Variants in NOTCH2 observed in about 807,000 individuals in gnomAD.
The protein encoded by NOTCH2 is notch receptor 2, also known as neurogenic locus notch homolog protein 2.
In NOTCH2, 29 loss-of-function variants were observed where a neutral mutation model predicts 235.8. That is an observed-to-expected ratio of 0.12 (90% confidence interval 0.09 to 0.17). The LOEUF is 0.17. Among genes scored for constraint, NOTCH2 ranks in the 10% least tolerant of loss-of-function variants. The pLI is 1.00. For missense variants in NOTCH2, 2,285 were observed against 3,150.2 expected (o/e 0.73, Z 6.57); for synonymous variants, 1,086 against 1,141.5 (o/e 0.95, Z 0.98).
chr1:120,037,465 G>C (rs1479580743), intron 1 of NOTCH2, among the ~76,000 whole-genome samples: 1 of 151,838 alleles, frequency 6.6e-6, no homozygotes, highest in Non-Finnish European at 1.5e-5. Context: ...GGAGACATCA[G>C]GGATTTGCAA....
rs797044475 is a variant in NOTCH2, at chr1:119,929,168, G to A, written c.3700C>T (p.His1234Tyr). 1.9e-6 allele frequency: 3 copies of A among 1,614,092 alleles called. No homozygotes were observed. The highest frequency in any genetic ancestry group is 3.3e-5 in the Admixed American group (2 of 60,008). Residue 1234 changes from histidine to tyrosine, a missense_variant, in exon 23 of 34, where the codon CAT (histidine) becomes TAT (tyrosine). Physicochemically the swap from His to Tyr is moderately conservative, Grantham distance 83 (BLOSUM62 2). This residue lies in a region of NOTCH2 where 1,173 missense variants were observed against 1,515.3 expected (regional missense o/e 0.77). Coordinates refer to ENST00000256646, the MANE Select transcript of NOTCH2 (RefSeq NM_024408.4). ...ATGCACTGACCACCATTAAGGCAATGGGGACCCCGGGCACAGTCATCAATG... is the reference window on the plus strand; with the variant it reads ...ATGCACTGACCACCATTAAGGCAATAGGGACCCCGGGCACAGTCATCAATG... Reference protein sequence around the residue: ...ENIDDCARGPHCLNGGQCMDR... With the variant: ...ENIDDCARGPYCLNGGQCMDR...
At chr1:119,970,732 T>C (rs1439617408) in intron 5 of NOTCH2, among the ~76,000 whole-genome samples, 3 of 152,234 alleles carry the variant, frequency 2.0e-5, no homozygotes, top group Non-Finnish European at 4.4e-5. Context: ...CCAGATCATA[T>C]GAGCTATAAA....
At chr1:120,014,294 G>A (rs1653332933) in intron 2 of NOTCH2, among the ~76,000 whole-genome samples, 1 of 152,162 alleles carries the variant, frequency 6.6e-6, no homozygotes, top group East Asian at 1.9e-4. Context: ...GCTGGGCACA[G>A]TGGCTCACAC....
intron 22 of NOTCH2, 53 bp from the exon 23 acceptor site, chr1:119,929,265 C>T: frequency 1.4e-6 from 2 of 1,466,270 alleles, no homozygotes; most frequent in Non-Finnish European, 1.9e-6. Flanking sequence ...AACCTGCTTT[C>T]CAGCAAGGGA....
chr1:119,917,854 G>T (rs1385271420), intron 32 of NOTCH2, 92 bp from the exon 33 acceptor site: 2 of 841,634 alleles, frequency 2.4e-6, no homozygotes, highest in Non-Finnish European at 4.1e-6. Flanking sequence ...ACTCCCCAGA[G>T]ATCAGCAGGA....
At chr1:120,031,176 G>A (rs1329650785) in intron 1 of NOTCH2, among the ~76,000 whole-genome samples, 11 of 145,620 alleles carry the variant, frequency 7.6e-5, no homozygotes, top group Non-Finnish European at 1.4e-4. Context: ...CCCTGGCCAC[G>A]AAACCAGTAG....
Position 119,916,334 on chromosome 1 carries a change from T to A in NOTCH2, c.6388A>T (p.Arg2130Trp). ...AKEAKDAKGS[R>W]RKKSLSEKVQ... ...TTCTCACTCAGAGACTTCTTCCTCCTACTACCCTTGGCATCCTTTGCCTCC... is the reference window on the plus strand; with the variant it reads ...TTCTCACTCAGAGACTTCTTCCTCCAACTACCCTTGGCATCCTTTGCCTCC... The change falls in exon 34 of 34, where the codon AGG becomes TGG. Residue 2130 changes from arginine to tryptophan, a missense_variant. By Grantham distance (101) the Arg-to-Trp change is moderately radical. Coordinates refer to ENST00000256646, the MANE Select transcript of NOTCH2 (RefSeq NM_024408.4). 1 of 1,614,188 alleles carries A rather than the reference T, an allele frequency of 6.2e-7. No individual in the cohort carries two copies. The highest frequency in any genetic ancestry group is 8.5e-7 in the Non-Finnish European group (1 of 1,180,020).
chr1:119,963,980 A>G (rs1557824314), intron 10 of NOTCH2, among the ~76,000 whole-genome samples, 173 bp from the exon 11 acceptor site: 1 of 152,214 alleles, frequency 6.6e-6, no homozygotes, highest in Non-Finnish European at 1.5e-5. Context: ...GTATGCCTGG[A>G]GAGAGGTGCT....
rs148846611 is a variant in NOTCH2 at position 119,915,684 on chromosome 1, G to A, written c.7038C>T (p.Ala2346=). ...LPTMYQIPEM[A]RLPSVAFPTA... ...TGGGGAAAGCCACACTGGGCAAACG[G>A]GCCATTTCTGGAATCTGGTACATGG... Residue 2346 remains alanine, a synonymous_variant, in exon 34 of 34, where the codon GCC becomes GCT. Transcript: ENST00000256646. 1 of 1,612,802 alleles carries A rather than the reference G, an allele frequency of 6.2e-7. No individual in the cohort carries two copies. The highest frequency in any genetic ancestry group is 8.5e-7 in the Non-Finnish European group (1 of 1,179,170).
chr1:119,978,317 G>C (rs1207116285), intron 5 of NOTCH2, among the ~76,000 whole-genome samples: 1 of 152,106 alleles, frequency 6.6e-6, no homozygotes, highest in Admixed American at 6.5e-5. Context: ...GCTGGAGAGG[G>C]AGTTACATGC....
At chr1:120,015,315 C>G (rs1553207805) in intron 2 of NOTCH2, among the ~76,000 whole-genome samples, 2 of 152,298 alleles carry the variant, frequency 1.3e-5, no homozygotes, top group Admixed American at 1.3e-4. Context: ...TCTTGGCCCC[C>G]CAATCCGCAG....
At chr1:119,970,266 A>G (rs1651309011) in intron 5 of NOTCH2, among the ~76,000 whole-genome samples, 1 of 152,208 alleles carries the variant, frequency 6.6e-6, no homozygotes, top group African/African-American at 2.4e-5. Flanking sequence ...ATCTTTCTAT[A>G]TTAATTCTTA....
intron 5 of NOTCH2, among the ~76,000 whole-genome samples, chr1:119,974,816 A>G (rs1462883373): frequency 2.0e-5 from 3 of 152,170 alleles, no homozygotes; most frequent in Non-Finnish European, 4.4e-5. Flanking sequence ...CCTGGAATGT[A>G]TCACGAGCTG....
In NOTCH2 at chr1:119,914,087, C is replaced by A. The variant is rs1289701573; in HGVS notation, c.*1219G>T. The A allele has an allele frequency of 3.0e-5, 7 of 233,100 alleles. No homozygotes were observed. The East Asian group carries it at 3.6e-4, about 12-fold the overall frequency. The allele number at this position is 233,100 out of a possible 1,614,324, so 14.4% of individuals were successfully genotyped here. A position where few individuals can be genotyped will look rare whatever the true frequency, so the allele number is the denominator to read the frequency against. On this transcript the variant is annotated 3_prime_UTR_variant, in exon 34 of 34. Coordinates refer to ENST00000256646, the MANE Select transcript of NOTCH2 (RefSeq NM_024408.4). ...AACGGAAGACAACTGTCACTGGGTC[C>A]CTTGGGCTAAGGAAAGTTCAGTCCT...
At chr1:119,978,031 T>C (rs935716388) in intron 5 of NOTCH2, among the ~76,000 whole-genome samples, 2 of 152,156 alleles carry the variant, frequency 1.3e-5, no homozygotes, top group Non-Finnish European at 2.9e-5. Flanking sequence ...ACAGGTGCTT[T>C]CATAGATACC....
chr1:119,923,968 C>T lies in NOTCH2; in HGVS notation c.4528G>A (p.Ala1510Thr). Residue 1510 changes from alanine (A) to threonine (T), a missense_variant, in exon 26 of 34, where the codon GCA (alanine) becomes ACA (threonine). Coordinates refer to ENST00000256646, the MANE Select transcript of NOTCH2 (RefSeq NM_024408.4). ...CAGTGGTTGTCTTTGAAGTGGTCTG[C>T]ACAGTATTTGTCATACCTAGGTAAG... ...SKTCKYDKYC[A>T]DHFKDNHCDQ... is the part of the protein sequence containing the mutation. The T allele has an allele frequency of 6.2e-7, 1 of 1,613,924 alleles. No homozygotes were observed. The highest frequency in any genetic ancestry group is 2.2e-5 in the East Asian group (1 of 44,876).
rs778498447 is a variant in NOTCH2 at position 119,923,639 on chromosome 1, A to T, written c.4857T>A (p.Ala1619=). ...AAGTTCAGAAACCAAACACCTACCC[A>T]GCCACCTCCTGTTCTTGTTCACCAG... is the stretch of plus-strand genomic sequence containing the variant. ...SLPGEQEQEV[A]GSKVFLEIDN... Residue 1619 remains alanine (A), a splice_region_variant and synonymous_variant, in exon 26 of 34, where the codon GCT becomes GCA. Transcript: ENST00000256646. The T allele has an allele frequency of 1.2e-6, 2 of 1,613,738 alleles. No homozygotes were observed. The highest frequency in any genetic ancestry group is 1.3e-5 in the African/African-American group (1 of 74,898).
intron 5 of NOTCH2, among the ~76,000 whole-genome samples, chr1:119,973,274 C>T (rs1190126526): frequency 6.6e-6 from 1 of 152,134 alleles, no homozygotes; most frequent in Non-Finnish European, 1.5e-5. Context: ...TCAACTGGTT[C>T]TAAAATTCAG....
At chr1:120,035,078 CTT>C (rs1415949725) in intron 1 of NOTCH2, among the ~76,000 whole-genome samples, 1 of 151,274 alleles carries the variant, frequency 6.6e-6, no homozygotes, top group African/African-American at 2.4e-5. Context: ...AAAGGTTTTT[CTT>C]TTCTTTCTTA....
Sources: gnomAD v4.1 joint callset for allele counts (sites outside exome capture counted in the v4.1 genomes callset) on GRCh38, gnomAD v4.1.1 for gene constraint, gnomAD v4.1.1 regional missense constraint, MANE v1.5 for transcripts, NCBI Gene and HGNC (gene_info 2026-07-23, HGNC 2026-07-21) for gene names.